OSBPL3: variants seen among roughly 807,000 people sequenced by gnomAD.
The protein encoded by OSBPL3 is oxysterol binding protein like 3.
OSBPL3 carries 65 observed loss-of-function variants against 120.1 expected under a neutral mutation model. The ratio of observed to expected loss-of-function variants is 0.54; its 90% confidence interval spans 0.44 to 0.67. The LOEUF (loss-of-function observed/expected upper bound fraction) is 0.67, where lower values mean the gene tolerates loss of function less well. Ranked by LOEUF, OSBPL3 falls within the 30% of genes least tolerant of loss-of-function variation. OSBPL3 has a pLI of 0.00. For missense variants in OSBPL3, 1,004 were observed against 1,082.1 expected (o/e 0.93, Z 1.01); for synonymous variants, 416 against 402.6 (o/e 1.03, Z -0.40).
At chr7:24,902,156 C>T (rs117089323) in intron 1 of OSBPL3, among the ~76,000 whole-genome samples, 1 of 152,240 alleles carries the variant, frequency 6.6e-6, no homozygotes, top group East Asian at 1.9e-4. Context: ...CATATAAGAC[C>T]ATTTAGAAGG....
chr7:24,876,594 C>A (rs1440343358), intron 2 of OSBPL3, among the ~76,000 whole-genome samples: 1 of 151,968 alleles, frequency 6.6e-6, no homozygotes, highest in Non-Finnish European at 1.5e-5. Context: ...GGTCTCAAAC[C>A]AAGAAAATAA....
chr7:24,800,018 T>C lies in OSBPL3; in HGVS notation c.*165A>G. On this transcript the variant is annotated 3_prime_UTR_variant, in exon 23 of 23. Transcript: ENST00000313367. ...ACAATCAGGGTAACATTTGAAATTG[T>C]AAAGAAACGCACTGAGGAAAATATA... 2 of 406,378 alleles carry C rather than the reference T, an allele frequency of 4.9e-6. No individual in the cohort carries two copies. The highest frequency in any genetic ancestry group is 3.7e-5 in the East Asian group (1 of 26,902). 25.2% of individuals were successfully genotyped at this position (406,378 alleles called of 1,614,324 possible).
At chr7:24,957,593 C>A (rs565947286) in intron 1 of OSBPL3, among the ~76,000 whole-genome samples, 1 of 152,246 alleles carries the variant, frequency 6.6e-6, no homozygotes, top group African/African-American at 2.4e-5. Flanking sequence ...TAAGTTATTT[C>A]TTAAATAATA....
In OSBPL3 at chr7:24,800,173, C is replaced by A. The variant is rs752111860; in HGVS notation, c.*10G>T. 1 of 1,497,242 alleles carries A rather than the reference C, an allele frequency of 6.7e-7. No individual in the cohort carries two copies. The highest frequency in any genetic ancestry group is 9.3e-7 in the Non-Finnish European group (1 of 1,073,820). 92.7% of individuals were successfully genotyped at this position (1,497,242 alleles called of 1,614,324 possible). A position where few individuals can be genotyped will look rare whatever the true frequency, so the allele number is the denominator to read the frequency against. ...GAAATACACTAATGTTATCTTTCTT[C>A]TTTACTTTTTCACCATAAGACAGGA... On this transcript the variant is annotated 3_prime_UTR_variant, in exon 23 of 23. Coordinates refer to ENST00000313367, the MANE Select transcript of OSBPL3 (RefSeq NM_015550.4).
rs1353322567 is a variant in OSBPL3, at chr7:24,867,274, C to A, written c.382-1037G>T. On this transcript the variant is annotated intron_variant, in intron 5 of 22. Transcript: ENST00000313367. This position sits in a 1 kb window ranked among gnomAD's most constrained non-coding sequence, Gnocchi z 4.5. ...TTTTTAAACTCTTTTATAATTCAGACTTTTCAGATTAATCTTTTCTGAACT... is the reference window on the plus strand; with the variant it reads ...TTTTTAAACTCTTTTATAATTCAGAATTTTCAGATTAATCTTTTCTGAACT... Among the ~76,000 whole-genome samples the A allele has an allele frequency of 6.6e-6, 1 of 152,184 alleles. No individual in the cohort carries two copies. The highest frequency in any genetic ancestry group is 1.5e-5 in the Non-Finnish European group (1 of 68,034).
At chr7:24,954,199 A>C (rs1814772609) in intron 1 of OSBPL3, among the ~76,000 whole-genome samples, 1 of 152,236 alleles carries the variant, frequency 6.6e-6, no homozygotes, top group Non-Finnish European at 1.5e-5. Flanking sequence ...GGCTGTGCTG[A>C]AAAGTCTGTC....
Position 24,936,399 on chromosome 7 carries a change from G to C in OSBPL3, c.-150+43487C>G, listed in dbSNP as rs1812428492. On this transcript the variant is annotated intron_variant, in intron 1 of 22. Coordinates refer to ENST00000313367, the MANE Select transcript of OSBPL3 (RefSeq NM_015550.4). The surrounding 1 kb of genome is among the most constrained non-coding windows in gnomAD (Gnocchi z 4.2). Reference sequence around the variant, plus strand: ...CAAAGGTTCTCCAAGACCTCAACATGCACAAGACAAAGATCTTGCTCTTAA... The same window carrying C: ...CAAAGGTTCTCCAAGACCTCAACATCCACAAGACAAAGATCTTGCTCTTAA... Among the ~76,000 whole-genome samples the C allele has an allele frequency of 6.6e-6, 1 of 152,168 alleles. No homozygotes were observed. Among genetic ancestry groups the C allele is most frequent in the South Asian group, 2.1e-4 (1 of 4,826 alleles).
intron 5 of OSBPL3, 22 bp from the exon 6 acceptor site, chr7:24,866,259 A>G: frequency 6.4e-7 from 1 of 1,551,272 alleles, no homozygotes; most frequent in Non-Finnish European, 8.9e-7. Context: ...TCGATTGAAA[A>G]AAGGAAACAA....
chr7:24,807,351 G>T (rs1033818794), intron 20 of OSBPL3, among the ~76,000 whole-genome samples: 1 of 152,084 alleles, frequency 6.6e-6, no homozygotes, highest in Non-Finnish European at 1.5e-5. Context: ...AACTTAGCCA[G>T]GCATGGTCTC....
chr7:24,830,761 C>T lies in OSBPL3; in HGVS notation c.1884+7G>A. On this transcript the variant is annotated splice_region_variant and intron_variant, in intron 16 of 22. Coordinates refer to ENST00000313367, the MANE Select transcript of OSBPL3 (RefSeq NM_015550.4). The surrounding 1 kb of genome is among the most constrained non-coding windows in gnomAD (Gnocchi z 4.4). ...CTCCCAACAAGCAAAAAATGGTGTA[C>T]ATCTACCTGTTCTGAAAAAAACTGG... is the stretch of plus-strand genomic sequence containing the variant. 1 of 1,606,732 alleles carries T rather than the reference C, an allele frequency of 6.2e-7. No individual in the cohort carries two copies. The highest frequency in any genetic ancestry group is 1.1e-5 in the South Asian group (1 of 89,086).
upstream of OSBPL3, among the ~76,000 whole-genome samples, chr7:24,980,663 C>A (rs914944915): frequency 1.3e-5 from 2 of 151,462 alleles, no homozygotes; most frequent in Non-Finnish European, 2.9e-5. Context: ...GCAGAGGAGT[C>A]GAGAACAGAG....
Position 24,821,224 on chromosome 7 carries a change from C to T in OSBPL3, c.1885-986G>A, listed in dbSNP as rs557843062. Among the ~76,000 whole-genome samples, 1 of 152,324 alleles carries T rather than the reference C, an allele frequency of 6.6e-6. No individual in the cohort carries two copies. The highest frequency in any genetic ancestry group is 1.9e-4 in the East Asian group (1 of 5,188). On this transcript the variant is annotated intron_variant, in intron 16 of 22. Coordinates refer to ENST00000313367, the MANE Select transcript of OSBPL3 (RefSeq NM_015550.4). The surrounding 1 kb of genome is among the most constrained non-coding windows in gnomAD (Gnocchi z 5.5). Reference sequence around the variant, plus strand: ...AGCCTGCACCTTATAAACGAAGAGACTGAAACCAGAAAGATAAAGTAACAT... The same window carrying T: ...AGCCTGCACCTTATAAACGAAGAGATTGAAACCAGAAAGATAAAGTAACAT...
In OSBPL3 at chr7:24,830,224, G is replaced by C. The variant is rs1324019253; in HGVS notation, c.1884+544C>G. Among the ~76,000 whole-genome samples the C allele has an allele frequency of 2.0e-5, 3 of 152,164 alleles. No individual in the cohort carries two copies. Among genetic ancestry groups the C allele is most frequent in the Non-Finnish European group, 4.4e-5 (3 of 68,040 alleles). On this transcript the variant is annotated intron_variant, in intron 16 of 22. Transcript: ENST00000313367. This position sits in a 1 kb window ranked among gnomAD's most constrained non-coding sequence, Gnocchi z 4.4. ...CCATCAGATGAGGGCAGGGACTCCTGTCCGGACCCCTCACCCCCCACCCCA... is the reference window on the plus strand; with the variant it reads ...CCATCAGATGAGGGCAGGGACTCCTCTCCGGACCCCTCACCCCCCACCCCA...
In OSBPL3 at chr7:24,833,005, A is replaced by C. The variant is rs1212802412; in HGVS notation, c.1746+1481T>G. On this transcript the variant is annotated intron_variant, in intron 15 of 22. Coordinates refer to ENST00000313367, the MANE Select transcript of OSBPL3 (RefSeq NM_015550.4). The surrounding 1 kb of genome is among the most constrained non-coding windows in gnomAD (Gnocchi z 4.4). ...TGCCACAGCATGAAACATCTTTAAG[A>C]AACTTTCATCCTCAAAGCCAATCAT... Among the ~76,000 whole-genome samples the C allele has an allele frequency of 6.6e-6, 1 of 152,218 alleles. No individual in the cohort carries two copies. Among genetic ancestry groups the C allele is most frequent in the Non-Finnish European group, 1.5e-5 (1 of 68,028 alleles).
chr7:24,863,683 T>A lies in OSBPL3; in HGVS notation c.674-84A>T. The A allele has an allele frequency of 1.1e-6, 1 of 882,548 alleles. No individual in the cohort carries two copies. Among genetic ancestry groups the A allele is most frequent in the South Asian group, 1.5e-5 (1 of 67,922 alleles). The allele number at this position is 882,548 out of a possible 1,614,324, so 54.7% of individuals were successfully genotyped here. ...CTGTCCCCATGCCAGCTACTTTTCC[T>A]TATTTATCTGTAGTTGATTTTTTTT... On this transcript the variant is annotated intron_variant, in intron 7 of 22. Transcript: ENST00000313367. This position sits in a 1 kb window ranked among gnomAD's most constrained non-coding sequence, Gnocchi z 5.8.
chr7:24,878,064 A>C lies in OSBPL3; in HGVS notation c.97-5995T>G, dbSNP rs536620999. ...TTTAGTCTGTTTTACTGAATGTCTG[A>C]AAAGTGCCAAAGATAGAAAGCTGCT... On this transcript the variant is annotated intron_variant, in intron 2 of 22. Coordinates refer to ENST00000313367, the MANE Select transcript of OSBPL3 (RefSeq NM_015550.4). Among the ~76,000 whole-genome samples, 12 of 152,218 alleles carry C rather than the reference A, an allele frequency of 7.9e-5. No individual in the cohort carries two copies. In the South Asian group the frequency reaches 2.3e-3, roughly 29 times the overall value.
intron 1 of OSBPL3, among the ~76,000 whole-genome samples, chr7:24,902,686 T>C (rs896643644): frequency 5.4e-5 from 7 of 130,744 alleles, no homozygotes; most frequent in South Asian, 2.8e-4. Context: ...TCTATGGTCA[T>C]TTACAAGAGA....
chr7:24,882,914 G>A (rs1803927075), intron 2 of OSBPL3, among the ~76,000 whole-genome samples: 1 of 151,988 alleles, frequency 6.6e-6, no homozygotes, highest in African/African-American at 2.4e-5. Context: ...TTTTTAATGA[G>A]ATTATTTGTT....
chr7:24,893,244 T>C (rs560093335), intron 1 of OSBPL3, among the ~76,000 whole-genome samples: 1 of 152,352 alleles, frequency 6.6e-6, no homozygotes, highest in African/African-American at 2.4e-5. Context: ...AACTGATGAA[T>C]GGATGAACAA....
Sources: allele counts gnomAD v4.1 joint callset (sites outside exome capture counted in the v4.1 genomes callset), GRCh38; gene constraint gnomAD v4.1.1; non-coding constraint Gnocchi (gnomAD v3.1); transcripts MANE v1.5; gene names NCBI Gene and HGNC (gene_info 2026-07-23, HGNC 2026-07-21).